TENM3: variants seen among roughly 807,000 people sequenced by gnomAD.
The protein encoded by TENM3 is teneurin transmembrane protein 3, also known as teneurin-3.
A neutral mutation model predicts 255.1 loss-of-function variants in TENM3; 63 were observed. The ratio of observed to expected loss-of-function variants is 0.25; its 90% CI spans 0.20 to 0.30. The LOEUF (loss-of-function observed/expected upper bound fraction) is 0.30, where lower values mean the gene tolerates loss of function less well. TENM3 is among the 10% of genes least tolerant of loss of function. The pLI, the probability that TENM3 is intolerant of heterozygous loss-of-function variation, is 1.00. For missense variants in TENM3, 2,929 were observed against 3,461.1 expected (o/e 0.85, Z 3.86); for synonymous variants, 1,306 against 1,322.3 (o/e 0.99, Z 0.27).
At chr4:181,933,305 A>T in the TENM3 span, among the ~76,000 whole-genome samples, 1 of 152,212 alleles carries the variant, frequency 6.6e-6, no homozygotes, top group Non-Finnish European at 1.5e-5. Flanking sequence ...ATAAGATATG[A>T]TCCTAAAATC....
chr4:181,525,334 T>C, the TENM3 span, among the ~76,000 whole-genome samples: 1 of 146,960 alleles, frequency 6.8e-6, no homozygotes, highest in South Asian at 2.2e-4. Context: ...GAAGTGGAGG[T>C]TGCAGTGAGC....
At chr4:181,701,121 G>A in the TENM3 span, among the ~76,000 whole-genome samples, 514 of 152,156 alleles carry the variant, frequency 3.4e-3, 2 homozygotes, top group African/African-American at 0.011. Context: ...CTAATCTTCC[G>A]GGCACTTAGT....
At chr4:182,788,033 A>C (rs1342483442) in intron 24 of TENM3, among the ~76,000 whole-genome samples, 1 of 152,220 alleles carries the variant, frequency 6.6e-6, no homozygotes, top group Non-Finnish European at 1.5e-5. Context: ...ATATATTTAT[A>C]TATAAACGTG....
At chr4:181,470,108 T>TAAAAAAAAAAAAAAAAAAAAAAAAAAA in the TENM3 span, among the ~76,000 whole-genome samples, 2 of 112,752 alleles carry the variant, frequency 1.8e-5, no homozygotes, top group African/African-American at 6.5e-5. Context: ...ATAGCTTCTG[T>TAAAAAAAAAAAAAAAAAAAAAAAAAAA]AAAAAAAAAA....
intron 1 of TENM3, among the ~76,000 whole-genome samples, chr4:182,307,040 T>C (rs1762177277): frequency 6.6e-6 from 1 of 152,206 alleles, no homozygotes; most frequent in Non-Finnish European, 1.5e-5. Context: ...GTAGAAATAA[T>C]CCAATGAAAT....
upstream of TENM3, chr4:182,144,002 G>C: frequency 6.6e-6 from 1 of 152,558 alleles, no homozygotes; most frequent in South Asian, 2.1e-4. Context: ...GGCAGTAAAC[G>C]GGGAATCTCT....
In TENM3 at chr4:182,800,288, C is replaced by T. The variant is rs1766847174; in HGVS notation, c.8037C>T (p.Pro2679=). ...ACGTACTCTCGGTGGAGCAGTACCC[C>T]GAGCTGGCCGACAGCGCCAACAACA... is the stretch of plus-strand genomic sequence containing the variant. ...GYYVLSVEQY[P]ELADSANNIQ... Residue 2679 remains proline (P), a synonymous_variant, in exon 28 of 28, where the codon CCC becomes CCT. Transcript: ENST00000511685. The T allele has an allele frequency of 1.9e-6, 3 of 1,564,008 alleles. No individual in the cohort carries two copies. Among genetic ancestry groups the T allele is most frequent in the African/African-American group, 1.5e-5 (1 of 68,536 alleles).
At chr4:181,903,917 A>G in the TENM3 span, among the ~76,000 whole-genome samples, 2 of 151,986 alleles carry the variant, frequency 1.3e-5, no homozygotes, top group African/African-American at 2.4e-5. Context: ...GGATGAGTTC[A>G]ATTCCATGGC....
At chr4:181,878,783 CTG>C in the TENM3 span, among the ~76,000 whole-genome samples, 1 of 152,118 alleles carries the variant, frequency 6.6e-6, no homozygotes, top group African/African-American at 2.4e-5. Flanking sequence ...ATCCATCCAT[CTG>C]CCTACCTACC....
intron 8 of TENM3, 95 bp from the exon 9 acceptor site, chr4:182,680,153 A>T: frequency 1.1e-6 from 1 of 947,974 alleles, no homozygotes; most frequent in East Asian, 2.6e-5. Flanking sequence ...TTACTACTCA[A>T]ATTATCTAGC....
chr4:181,498,546 GA>G, the TENM3 span, among the ~76,000 whole-genome samples: 1 of 151,886 alleles, frequency 6.6e-6, no homozygotes, highest in Non-Finnish European at 1.5e-5. Context: ...AAATCAGTGG[GA>G]AAATTATAGC....
intron 1 of TENM3, among the ~76,000 whole-genome samples, chr4:182,155,427 A>G (rs1750639601): frequency 1.3e-5 from 2 of 152,080 alleles, no homozygotes; most frequent in South Asian, 4.1e-4. Flanking sequence ...TCATCTTCTC[A>G]AATATTTTAT....
intron 12 of TENM3, among the ~76,000 whole-genome samples, chr4:182,694,857 T>C (rs1757276596): frequency 6.6e-6 from 1 of 152,152 alleles, no homozygotes; most frequent in African/African-American, 2.4e-5. Flanking sequence ...ACAGACAAGC[T>C]TAGGCTTGGT....
the TENM3 span, among the ~76,000 whole-genome samples, chr4:181,997,056 C>T: frequency 6.6e-6 from 1 of 152,100 alleles, no homozygotes; most frequent in Non-Finnish European, 1.5e-5. Flanking sequence ...TTTTAGGGCT[C>T]GGCTGTCTAC....
intron 1 of TENM3, among the ~76,000 whole-genome samples, chr4:182,168,554 A>G (rs1250538337): frequency 2.6e-5 from 4 of 152,284 alleles, no homozygotes; most frequent in Non-Finnish European, 4.4e-5. Context: ...CGCTGCTGAT[A>G]CTTCTATTAG....
chr4:181,763,471 G>T, the TENM3 span, among the ~76,000 whole-genome samples: 1 of 152,122 alleles, frequency 6.6e-6, no homozygotes, highest in Admixed American at 6.5e-5. Context: ...CATGAGCTAA[G>T]AAATATTTTT....
chr4:182,136,332 C>T, the TENM3 span, among the ~76,000 whole-genome samples: 4 of 152,048 alleles, frequency 2.6e-5, no homozygotes, highest in Admixed American at 6.6e-5. Context: ...AGGAGTGTTC[C>T]TTGCCTCTGA....
chr4:182,449,117 GC>G, intron 3 of TENM3: 1 of 223,160 alleles, frequency 4.5e-6, no homozygotes, highest in Non-Finnish European at 8.7e-6. Flanking sequence ...GCGGCCTGGG[GC>G]GGGCTGGCGG....
At chr4:181,906,004 TCATTATATCTCGTAA>T in the TENM3 span, 1 of 484,664 alleles carries the variant, frequency 2.1e-6, no homozygotes, top group Non-Finnish European at 4.0e-6. Context: ...CTCATGCTTT[TCATTATATCTCGTAA>T]CAGTGACAAG....
Sources: allele counts gnomAD v4.1 joint callset (sites outside exome capture counted in the v4.1 genomes callset), GRCh38; gene constraint gnomAD v4.1.1; transcripts MANE v1.5; gene names NCBI Gene and HGNC (gene_info 2026-07-23, HGNC 2026-07-21).